Variants in SETD3 observed in about 807,000 individuals in gnomAD.
The protein encoded by SETD3 is actin-histidine N-methyltransferase.
A neutral mutation model predicts 63.0 loss-of-function variants in SETD3; 19 were observed. The observed-to-expected ratio is 0.30, with a 90% CI of 0.21 to 0.44. SETD3 has a LOEUF of 0.44. Ranked by LOEUF, SETD3 falls within the 20% of genes least tolerant of loss-of-function variation. The probability of loss-of-function intolerance (pLI) is 1.00; values close to 1 mark genes in which losing one functional copy is unlikely to be tolerated. For synonymous variants in SETD3, 286 were observed against 264.1 expected, an observed-to-expected ratio of 1.08 and a Z score of -0.80; for missense variants, 587 against 728.5, an observed-to-expected ratio of 0.81 and a Z score of 2.24.
chr14:99,481,336 AG>A (rs1896306644), upstream of SETD3: 3 of 397,944 alleles, frequency 7.5e-6, no homozygotes, highest in South Asian at 2.6e-4. Context: ...ATTGGTTGAC[AG>A]GCATCCTACT....
upstream of SETD3, among the ~76,000 whole-genome samples, chr14:99,483,551 A>G (rs1896409274): frequency 6.6e-6 from 1 of 152,232 alleles, no homozygotes; most frequent in Admixed American, 6.5e-5. Context: ...CCCTGTCTCA[A>G]GAAAAAGCCA....
At chr14:99,481,350 C>T (rs1896307370), upstream of SETD3, 1 of 398,444 alleles carries the variant, frequency 2.5e-6, no homozygotes, top group Non-Finnish European at 4.4e-6. Context: ...ATCCTACTCT[C>T]TCCGCCCCTC....
At chr14:99,427,045 G>T (rs1000478698) in intron 6 of SETD3, among the ~76,000 whole-genome samples, 5 of 152,180 alleles carry the variant, frequency 3.3e-5, no homozygotes, top group African/African-American at 9.7e-5. Context: ...GAGAGCGTGG[G>T]GGGCAGCTGG....
chr14:99,402,173 C>T (rs546679862), intron 11 of SETD3, among the ~76,000 whole-genome samples: 1 of 152,346 alleles, frequency 6.6e-6, no homozygotes, highest in Non-Finnish European at 1.5e-5. Flanking sequence ...CCCCTCCCCT[C>T]CTGCTCTACC....
chr14:99,439,682 ATATTTATATG>A (rs1893685371), intron 6 of SETD3, among the ~76,000 whole-genome samples: 1 of 147,734 alleles, frequency 6.8e-6, no homozygotes, highest in South Asian at 2.1e-4. Flanking sequence ...ACATATTTAT[ATATTTATATG>A]TATTTATATT....
At chr14:99,403,298 C>T (rs7148037) in intron 11 of SETD3, among the ~76,000 whole-genome samples, 6,183 of 152,234 alleles carry the variant, frequency 0.041, 406 homozygotes, top group African/African-American at 0.14. Flanking sequence ...CTGCTTCCTC[C>T]GACCAAGGAA....
At chr14:99,479,719 G>GT (rs1896164165) in intron 1 of SETD3, among the ~76,000 whole-genome samples, 1 of 152,190 alleles carries the variant, frequency 6.6e-6, no homozygotes, top group African/African-American at 2.4e-5. Flanking sequence ...CGAAGATGGG[G>GT]TAACTCTTCG....
intron 6 of SETD3, among the ~76,000 whole-genome samples, chr14:99,427,476 G>A (rs1017791510): frequency 2.6e-5 from 4 of 152,186 alleles, no homozygotes; most frequent in African/African-American, 7.2e-5. Flanking sequence ...AAAGGAACAG[G>A]TGTTAAACTT....
chr14:99,473,724 T>C (rs1252857538), intron 1 of SETD3, among the ~76,000 whole-genome samples: 2 of 152,180 alleles, frequency 1.3e-5, no homozygotes, highest in African/African-American at 4.8e-5. Flanking sequence ...TTCTCACTCT[T>C]ACTAAAATAC....
intron 6 of SETD3, among the ~76,000 whole-genome samples, chr14:99,431,307 C>T (rs1387426640): frequency 7.9e-5 from 12 of 152,288 alleles, no homozygotes; most frequent in Middle Eastern, 6.8e-3. Flanking sequence ...ACCCCATTAC[C>T]ACATGGAGAA....
chr14:99,404,404 C>G lies in SETD3; in HGVS notation c.1092-94G>C, dbSNP rs1189445306. On this transcript the variant is annotated intron_variant, in intron 10 of 12. Coordinates refer to ENST00000331768, the MANE Select transcript of SETD3 (RefSeq NM_032233.3). ...TTAAGTCTACAGCACGTGTGGTTGT[C>G]CTCAAGGAGAGCTGAGCTGGAATGG... is the stretch of plus-strand genomic sequence containing the variant. The G allele has an allele frequency of 3.6e-6, 4 of 1,103,758 alleles. No homozygotes were observed. In the African/African-American group the frequency reaches 4.7e-5, roughly 13 times the overall value. The allele number at this position is 1,103,758 out of a possible 1,614,324, so 68.4% of individuals were successfully genotyped here. A position where few individuals can be genotyped will look rare whatever the true frequency, so the allele number is the denominator to read the frequency against.
At chr14:99,448,630 G>A (rs941895732) in intron 6 of SETD3, among the ~76,000 whole-genome samples, 5 of 152,046 alleles carry the variant, frequency 3.3e-5, no homozygotes, top group Admixed American at 2.0e-4. Context: ...CAACACCTCC[G>A]GCCTATGAAA....
chr14:99,467,432 A>G (rs1489935516), intron 1 of SETD3, among the ~76,000 whole-genome samples: 1 of 152,240 alleles, frequency 6.6e-6, no homozygotes, highest in East Asian at 1.9e-4. Flanking sequence ...CACAGCCAAG[A>G]GCAAGGGCAC....
intron 8 of SETD3, chr14:99,410,002 T>C: frequency 2.2e-6 from 1 of 462,814 alleles, no homozygotes; most frequent in South Asian, 4.4e-5. Flanking sequence ...CCAACAATAA[T>C]TTTTTAAAAA....
At chr14:99,477,467 A>AGT (rs1460231590) in intron 1 of SETD3, among the ~76,000 whole-genome samples, 1 of 152,206 alleles carries the variant, frequency 6.6e-6, no homozygotes, top group Non-Finnish European at 1.5e-5. Context: ...TAAAAAGCCA[A>AGT]GTCTCAGCCC....
At position 99,405,371 on chromosome 14, in the gene SETD3, T is replaced by A; in HGVS notation, c.925A>T (p.Ile309Phe). 7 of 1,609,928 alleles carry A rather than the reference T, an allele frequency of 4.3e-6. No individual in the cohort carries two copies. Among genetic ancestry groups the A allele is most frequent in the Non-Finnish European group, 5.9e-6 (7 of 1,178,752 alleles). Residue 309 changes from isoleucine (I) to phenylalanine (F), a missense_variant and splice_region_variant, in exon 10 of 13, where the codon ATT becomes TTT. Ile to Phe is a conservative substitution (Grantham distance 21, BLOSUM62 0). Coordinates refer to ENST00000331768, the MANE Select transcript of SETD3 (RefSeq NM_032233.3). ...GATCGAGTGCCATAAAAAATGTAAA[T>A]CTGAGATGCAGTAAAGAAAAAAGAA... ...ALQDFRAGEQ[I>F]YIFYGTRSNA...
intron 6 of SETD3, among the ~76,000 whole-genome samples, chr14:99,436,803 T>TA (rs2139706031): frequency 6.6e-6 from 1 of 152,332 alleles, no homozygotes; most frequent in East Asian, 1.9e-4. Context: ...TGTATTTTTT[T>TA]ATCCAGTAAG....
Position 99,400,188 on chromosome 14 carries a change from G to T in SETD3, c.1249C>A (p.Pro417Thr), listed in dbSNP as rs755500316. 6.2e-7 allele frequency: 1 copy of T among 1,614,134 alleles called. No individual in the cohort carries two copies. The highest frequency in any genetic ancestry group is 8.5e-7 in the Non-Finnish European group (1 of 1,180,002). The change falls in exon 12 of 13, where the codon CCT (proline) becomes ACT (threonine). Residue 417 changes from proline (P) to threonine (T), a missense_variant. Transcript: ENST00000331768. ...RIFTLGNSEFPVSWDNEVKLW... is the reference protein window; with the variant it reads ...RIFTLGNSEFTVSWDNEVKLW... ...TTGACCTCGTTGTCCCAGCTAACAG[G>T]AAATTCCGAGTTCCCCAAGGTGAAG...
At chr14:99,419,565 G>T (rs1892466576) in intron 6 of SETD3, among the ~76,000 whole-genome samples, 1 of 152,100 alleles carries the variant, frequency 6.6e-6, no homozygotes, top group African/African-American at 2.4e-5. Flanking sequence ...CACGAGGTCA[G>T]GAGATCGAGA....
Sources: gnomAD v4.1 joint callset for allele counts (sites outside exome capture counted in the v4.1 genomes callset) on GRCh38, gnomAD v4.1.1 for gene constraint, MANE v1.5 for transcripts, NCBI Gene and HGNC (gene_info 2026-07-23, HGNC 2026-07-21) for gene names.